AP3B1: variants seen among roughly 807,000 people sequenced by gnomAD.
AP3B1 encodes adaptor related protein complex 3 subunit beta 1.
Under a neutral mutation model 132.5 loss-of-function variants are expected in AP3B1, and 61 were observed. The observed-to-expected ratio is 0.46, with a 90% CI of 0.37 to 0.57. The LOEUF (loss-of-function observed/expected upper bound fraction) is 0.57. Ranked by LOEUF, AP3B1 falls within the 20% of genes least tolerant of loss-of-function variation. AP3B1 has a pLI of 0.00. For synonymous variants in AP3B1, 388 were observed against 438.3 expected (o/e 0.89, Z 1.43); for missense variants, 1,120 against 1,289.4 (o/e 0.87, Z 2.01).
intron 1 of AP3B1, among the ~76,000 whole-genome samples, chr5:78,275,291 G>T (rs531416498): frequency 6.6e-5 from 10 of 152,278 alleles, no homozygotes; most frequent in African/African-American, 2.2e-4. Flanking sequence ...TTCACTAAAG[G>T]TGAAATAAAG....
intron 2 of AP3B1, among the ~76,000 whole-genome samples, chr5:78,252,575 A>T (rs1481850692): frequency 6.6e-6 from 1 of 152,078 alleles, no homozygotes; most frequent in Non-Finnish European, 1.5e-5. Flanking sequence ...CTATGGGGGT[A>T]CTCTGGCAGT....
rs34203981 is a variant in AP3B1 at position 78,072,712 on chromosome 5, C to CTTTTTTTTTTT, written c.2577+16670_2577+16680dup. Among the ~76,000 whole-genome samples the CTTTTTTTTTTT allele has an allele frequency of 1.2e-4, 8 of 68,284 alleles. 1 individual carries two copies. Among genetic ancestry groups the CTTTTTTTTTTT allele is most frequent in the Admixed American group, 2.7e-4 (1 of 3,706 alleles). 44.8% of individuals were successfully genotyped at this position (68,284 alleles called of 152,430 possible). On this transcript the variant is annotated intron_variant, in intron 22 of 26. Coordinates refer to ENST00000255194, the MANE Select transcript of AP3B1 (RefSeq NM_003664.5). ...TGAGTAACAATGTGTCTGATATATT[C>CTTTTTTTTTTT]TTTTTTTTTTTTTTTTTTTTTTTTT...
At chr5:78,186,594 G>GTTTCT (rs1744616504) in intron 7 of AP3B1, among the ~76,000 whole-genome samples, 2 of 152,180 alleles carry the variant, frequency 1.3e-5, no homozygotes, top group African/African-American at 4.8e-5. Flanking sequence ...GGAAAATTGA[G>GTTTCT]TAAAGGTTAT....
intron 3 of AP3B1, among the ~76,000 whole-genome samples, chr5:78,239,157 A>AT (rs2112515047): frequency 6.6e-6 from 1 of 152,154 alleles, no homozygotes; most frequent in African/African-American, 2.4e-5. Context: ...AAAATACTAA[A>AT]TTAAGGGGAA....
chr5:78,273,060 A>ATATAT (rs1748618409), intron 1 of AP3B1, among the ~76,000 whole-genome samples: 2 of 94,840 alleles, frequency 2.1e-5, no homozygotes, highest in Non-Finnish European at 5.8e-5. Flanking sequence ...CACACACACA[A>ATATAT]GTACTCTTAA....
chr5:78,243,690 G>A (rs1014655050), intron 2 of AP3B1, among the ~76,000 whole-genome samples: 1 of 152,200 alleles, frequency 6.6e-6, no homozygotes, highest in Non-Finnish European at 1.5e-5. Flanking sequence ...TGGCAGGGAT[G>A]CAAAGGAAGA....
chr5:78,064,518 T>C (rs1580301332), intron 22 of AP3B1, among the ~76,000 whole-genome samples: 1 of 152,270 alleles, frequency 6.6e-6, no homozygotes, highest in Non-Finnish European at 1.5e-5. Flanking sequence ...ATGATTCTGA[T>C]GAAAATTTTT....
intron 17 of AP3B1, among the ~76,000 whole-genome samples, chr5:78,121,192 C>T (rs1297856783): frequency 1.3e-5 from 2 of 151,974 alleles, no homozygotes; most frequent in African/African-American, 4.8e-5. Context: ...ACATTCAAAG[C>T]AGTGTGTAGA....
At chr5:78,272,070 A>T (rs1364376172) in intron 1 of AP3B1, among the ~76,000 whole-genome samples, 1 of 152,230 alleles carries the variant, frequency 6.6e-6, no homozygotes, top group East Asian at 1.9e-4. Flanking sequence ...AAGAGACTTC[A>T]TAAGAATCTT....
At chr5:78,128,985 C>A in intron 16 of AP3B1, 136 bp downstream of exon 16, 6 of 741,430 alleles carry the variant, frequency 8.1e-6, no homozygotes, top group South Asian at 4.5e-5. Flanking sequence ...GAGTAGAAAG[C>A]ATGCTGTTCT....
At chr5:78,202,552 AGTGTGTGT>A (rs36209977) in intron 7 of AP3B1, among the ~76,000 whole-genome samples, 8,996 of 146,104 alleles carry the variant, frequency 0.062, 338 homozygotes, top group East Asian at 0.14. Context: ...CCATATATTC[AGTGTGTGT>A]GTGTGTGTGT....
intron 22 of AP3B1, among the ~76,000 whole-genome samples, chr5:78,047,329 G>A (rs1285402583): frequency 6.6e-6 from 1 of 152,182 alleles, no homozygotes; most frequent in Non-Finnish European, 1.5e-5. Context: ...CAGTGTAAAA[G>A]TGTTCCTATT....
chr5:78,272,244 G>A (rs1748576974), intron 1 of AP3B1, among the ~76,000 whole-genome samples: 1 of 152,112 alleles, frequency 6.6e-6, no homozygotes, highest in African/African-American at 2.4e-5. Context: ...TCCCAACTGA[G>A]CCAATGTATA....
intron 1 of AP3B1, among the ~76,000 whole-genome samples, chr5:78,283,132 A>T (rs1456640618): frequency 6.6e-6 from 1 of 152,178 alleles, no homozygotes; most frequent in African/African-American, 2.4e-5. Flanking sequence ...AATCCTCACA[A>T]CTAGTCAATG....
intron 1 of AP3B1, among the ~76,000 whole-genome samples, chr5:78,277,984 G>A (rs1748856088): frequency 6.6e-6 from 1 of 152,148 alleles, no homozygotes. Context: ...TTGGTAGGCA[G>A]CAGGAAGTAT....
chr5:78,205,420 CATAT>C (rs370283868), intron 7 of AP3B1, among the ~76,000 whole-genome samples: 1 of 151,318 alleles, frequency 6.6e-6, no homozygotes, highest in African/African-American at 2.4e-5. Flanking sequence ...AAGATGGAAT[CATAT>C]ATATATACAT....
chr5:78,191,597 T>C (rs977025060), intron 7 of AP3B1, among the ~76,000 whole-genome samples: 1 of 152,118 alleles, frequency 6.6e-6, no homozygotes, highest in African/African-American at 2.4e-5. Context: ...AATCCATAAT[T>C]GAGGTGATAA....
In AP3B1 at chr5:78,252,546, G is replaced by A. The variant is rs1038858442; in HGVS notation, c.205-11610C>T. Among the ~76,000 whole-genome samples the A allele has an allele frequency of 3.3e-5, 5 of 152,188 alleles. No homozygotes were observed. The South Asian group carries it at 6.2e-4, about 19-fold the overall frequency. On this transcript the variant is annotated intron_variant, in intron 2 of 26. Coordinates refer to ENST00000255194, the MANE Select transcript of AP3B1 (RefSeq NM_003664.5). ...GCTTTTCATGAATGCTGACTTAAGA[G>A]ACCTTGGGCGTTAAGGGACTATGGG...
chr5:78,284,231 T>C (rs1464230727), intron 1 of AP3B1, among the ~76,000 whole-genome samples: 2 of 152,254 alleles, frequency 1.3e-5, no homozygotes, highest in Admixed American at 6.5e-5. Context: ...TAGTTGCTAC[T>C]ATATTGAACA....
Sources: gnomAD v4.1 joint callset for allele counts (sites outside exome capture counted in the v4.1 genomes callset) on GRCh38, gnomAD v4.1.1 for gene constraint, MANE v1.5 for transcripts, NCBI Gene and HGNC (gene_info 2026-07-23, HGNC 2026-07-21) for gene names.